TNR: variants seen among roughly 807,000 people sequenced by gnomAD.
TNR encodes tenascin-R.
A neutral mutation model predicts 150.4 loss-of-function variants in TNR; 45 were observed. The observed-to-expected ratio is 0.30, with a 90% CI of 0.24 to 0.38. TNR has a LOEUF of 0.38. Among genes scored for constraint, TNR ranks in the 10% least tolerant of loss-of-function variants. The pLI is 1.00. For missense variants in TNR, 1,544 were observed against 1,759.1 expected (o/e 0.88, Z 2.19); for synonymous variants, 687 against 678.4 (o/e 1.01, Z -0.20).
chr1:175,441,683 T>A (rs1338887676), intron 2 of TNR, among the ~76,000 whole-genome samples: 2 of 152,128 alleles, frequency 1.3e-5, no homozygotes, highest in African/African-American at 2.4e-5. Flanking sequence ...TCGAGCTACA[T>A]TATAGAAATC....
rs1039213074 is a variant in TNR, at chr1:175,722,980, C to T, written c.-165+20246G>A. Reference sequence around the variant, plus strand: ...TTAATTTTTGTATTTTTAATTGAGACGGGGTTTCACCATGTTGGCCAGGCT... The same window carrying T: ...TTAATTTTTGTATTTTTAATTGAGATGGGGTTTCACCATGTTGGCCAGGCT... On this transcript the variant is annotated intron_variant, in intron 1 of 22. Transcript: ENST00000367674. Among the ~76,000 whole-genome samples the T allele has an allele frequency of 4.6e-5, 7 of 151,992 alleles. No individual in the cohort carries two copies. The East Asian group carries it at 9.7e-4, about 21-fold the overall frequency.
intron 1 of TNR, among the ~76,000 whole-genome samples, chr1:175,602,351 G>A (rs1558032740): frequency 6.6e-6 from 1 of 151,944 alleles, no homozygotes; most frequent in Non-Finnish European, 1.5e-5. Context: ...CATTCCCAGA[G>A]TTTCTGATTC....
intron 2 of TNR, among the ~76,000 whole-genome samples, chr1:175,486,994 T>A (rs1658044941): frequency 6.6e-6 from 1 of 152,226 alleles, no homozygotes; most frequent in Non-Finnish European, 1.5e-5. Context: ...TGTAAACTTG[T>A]TTAAGTTCTT....
At chr1:175,408,625 C>T (rs1468210215) in intron 2 of TNR, among the ~76,000 whole-genome samples, 1 of 152,198 alleles carries the variant, frequency 6.6e-6, no homozygotes, top group African/African-American at 2.4e-5. Context: ...CATTTTCTAG[C>T]TGTGGGAAGA....
At chr1:175,596,008 T>C (rs1558028727) in intron 1 of TNR, among the ~76,000 whole-genome samples, 1 of 152,208 alleles carries the variant, frequency 6.6e-6, no homozygotes, top group South Asian at 2.1e-4. Context: ...ATGGTTCTTC[T>C]GTTATTCTAA....
At chr1:175,718,835 C>T (rs561842545) in intron 1 of TNR, among the ~76,000 whole-genome samples, 90 of 152,268 alleles carry the variant, frequency 5.9e-4, no homozygotes, top group Non-Finnish European at 1.0e-3. Flanking sequence ...GCAAGTTTTC[C>T]GACTCCATCC....
chr1:175,679,731 C>T (rs1476102423), intron 1 of TNR, among the ~76,000 whole-genome samples: 1 of 152,132 alleles, frequency 6.6e-6, no homozygotes, highest in African/African-American at 2.4e-5. Context: ...CAAGAGCCTG[C>T]GTGGCTCCCT....
rs186485693 is a variant in TNR at position 175,496,696 on chromosome 1, C to G, written c.-64+31573G>C. 2.1e-3 allele frequency among the ~76,000 whole-genome samples: 315 copies of G among 152,298 alleles called. 3 individuals are homozygous for G. The highest frequency in any genetic ancestry group is 7.2e-3 in the African/African-American group (298 of 41,574). On this transcript the variant is annotated intron_variant, in intron 2 of 22. Transcript: ENST00000367674. ...ATAAACAAGAAACTGAGGCTCCGGG[C>G]TGAAAGGAACTGGCTTCAAGTCTCC...
intron 2 of TNR, among the ~76,000 whole-genome samples, chr1:175,514,862 G>A (rs981099246): frequency 6.6e-6 from 1 of 152,222 alleles, no homozygotes; most frequent in Non-Finnish European, 1.5e-5. Flanking sequence ...GGGGCTGGAT[G>A]ACTGCCCCTG....
At chr1:175,595,676 G>A (rs1481592532) in intron 1 of TNR, among the ~76,000 whole-genome samples, 2 of 152,084 alleles carry the variant, frequency 1.3e-5, no homozygotes, top group Non-Finnish European at 2.9e-5. Flanking sequence ...GACTGAATTG[G>A]ACCAAAGAGA....
chr1:175,391,981 T>G (rs988074208), intron 6 of TNR, among the ~76,000 whole-genome samples: 4 of 152,196 alleles, frequency 2.6e-5, no homozygotes, highest in Admixed American at 1.3e-4. Flanking sequence ...TGGTGCTACA[T>G]TCGGTGTGAA....
chr1:175,396,830 T>C (rs1653452155), intron 4 of TNR, 23 bp from the exon 5 acceptor site: 1 of 1,604,064 alleles, frequency 6.2e-7, no homozygotes, highest in Non-Finnish European at 8.5e-7. Flanking sequence ...AATACACAGA[T>C]AGCATGAGCT....
At chr1:175,417,749 C>G (rs1654565461) in intron 2 of TNR, among the ~76,000 whole-genome samples, 1 of 152,116 alleles carries the variant, frequency 6.6e-6, no homozygotes, top group South Asian at 2.1e-4. Context: ...ATAAATTTAT[C>G]TGCCCTAAAA....
At chr1:175,574,268 T>G (rs2102222462) in intron 1 of TNR, among the ~76,000 whole-genome samples, 1 of 152,284 alleles carries the variant, frequency 6.6e-6, no homozygotes, top group South Asian at 2.1e-4. Flanking sequence ...AACCTTCTCC[T>G]TTCTCCCCAC....
intron 1 of TNR, among the ~76,000 whole-genome samples, chr1:175,609,028 C>G (rs1663509750): frequency 6.6e-6 from 1 of 152,216 alleles, no homozygotes; most frequent in Non-Finnish European, 1.5e-5. Context: ...GGGAATACTC[C>G]TCACAGCACT....
chr1:175,629,232 T>G (rs944382238), intron 1 of TNR, among the ~76,000 whole-genome samples: 2 of 152,132 alleles, frequency 1.3e-5, no homozygotes, highest in African/African-American at 4.8e-5. Flanking sequence ...CTAAGATGTT[T>G]CTATCATAGG....
At chr1:175,637,584 T>G (rs1468540383) in intron 1 of TNR, among the ~76,000 whole-genome samples, 1 of 152,176 alleles carries the variant, frequency 6.6e-6, no homozygotes, top group African/African-American at 2.4e-5. Context: ...CACAGCCTGA[T>G]TAATCATGCC....
intron 2 of TNR, among the ~76,000 whole-genome samples, chr1:175,493,604 C>T (rs1227573734): frequency 6.6e-6 from 1 of 152,246 alleles, no homozygotes; most frequent in Non-Finnish European, 1.5e-5. Flanking sequence ...GGCCCCCTTC[C>T]GGACCCTTCC....
chr1:175,563,984 T>C (rs1661534095), intron 1 of TNR, among the ~76,000 whole-genome samples: 2 of 152,244 alleles, frequency 1.3e-5, no homozygotes, highest in South Asian at 4.1e-4. Context: ...CTTCAGAAAC[T>C]GGTGTGTGCT....
Sources: allele counts gnomAD v4.1 joint callset (sites outside exome capture counted in the v4.1 genomes callset), GRCh38; gene constraint gnomAD v4.1.1; transcripts MANE v1.5; gene names NCBI Gene and HGNC (gene_info 2026-07-23, HGNC 2026-07-21).